Variants in TMEM132B observed in about 807,000 individuals in gnomAD.
The protein encoded by TMEM132B is transmembrane protein 132B.
In TMEM132B, 18 loss-of-function variants were observed where a neutral mutation model predicts 90.8. The ratio of observed to expected loss-of-function variants is 0.20; its 90% confidence interval spans 0.14 to 0.29. The LOEUF is 0.29. Ranked by LOEUF, TMEM132B falls within the 10% of genes least tolerant of loss-of-function variation. The probability of loss-of-function intolerance (pLI) is 1.00; values close to 1 mark genes in which losing one functional copy is unlikely to be tolerated. For synonymous variants in TMEM132B, 504 were observed against 523.3 expected, an observed-to-expected ratio of 0.96 and a Z score of 0.50; for missense variants, 1,096 against 1,326.8, an observed-to-expected ratio of 0.83 and a Z score of 2.70.
chr12:125,343,413 T>G (rs879877753), intron 1 of TMEM132B, among the ~76,000 whole-genome samples: 2 of 152,136 alleles, frequency 1.3e-5, no homozygotes, highest in Non-Finnish European at 2.9e-5. Context: ...CCTCATTGGG[T>G]GTACAGGGAT....
intron 1 of TMEM132B, among the ~76,000 whole-genome samples, chr12:125,311,540 C>T (rs1035896659): frequency 1.3e-5 from 2 of 152,112 alleles, no homozygotes; most frequent in African/African-American, 4.8e-5. Flanking sequence ...GGGTTCTGGC[C>T]CATCTTCTCT....
intron 1 of TMEM132B, among the ~76,000 whole-genome samples, chr12:125,226,572 A>G (rs1565978879): frequency 6.6e-6 from 1 of 152,214 alleles, no homozygotes; most frequent in Non-Finnish European, 1.5e-5. Flanking sequence ...AGACAGGGGA[A>G]TCGGGAGAGT....
chr12:125,351,266 G>T (rs974720488), intron 2 of TMEM132B, among the ~76,000 whole-genome samples: 10 of 152,190 alleles, frequency 6.6e-5, no homozygotes, highest in African/African-American at 1.9e-4. Flanking sequence ...TAAAACTTTA[G>T]TTACAAAAAC....
At chr12:125,242,611 A>G (rs1874097250) in intron 1 of TMEM132B, among the ~76,000 whole-genome samples, 2 of 152,126 alleles carry the variant, frequency 1.3e-5, no homozygotes, top group African/African-American at 4.8e-5. Context: ...TTCCCTCTCC[A>G]CATTCAGCTG....
chr12:125,300,984 A>G (rs1875808018), intron 1 of TMEM132B: 1 of 152,094 alleles, frequency 6.6e-6, no homozygotes, highest in South Asian at 2.1e-4. Context: ...GGAGAATGTT[A>G]TGAGGTTGCC....
chr12:125,451,579 C>T (rs915027526), intron 3 of TMEM132B, among the ~76,000 whole-genome samples: 3 of 150,472 alleles, frequency 2.0e-5, no homozygotes, highest in Middle Eastern at 3.5e-3. Context: ...AAGATTATGC[C>T]TGAGAGCTCC....
chr12:125,409,690 G>C lies in TMEM132B; in HGVS notation c.960-5841G>C, dbSNP rs570026965. Among the ~76,000 whole-genome samples, 84 of 60,552 alleles carry C rather than the reference G, an allele frequency of 1.4e-3. 2 individuals carry two copies. The highest frequency in any genetic ancestry group is 2.3e-3 in the Non-Finnish European group (70 of 29,848). 39.7% of individuals were successfully genotyped at this position (60,552 alleles called of 152,430 possible). A position where few individuals can be genotyped will look rare whatever the true frequency, so the allele number is the denominator to read the frequency against. On this transcript the variant is annotated intron_variant, in intron 2 of 8. Transcript: ENST00000682704. ...GAGTGGAGTGGAGTGGAGTGGAGTG[G>C]AGGAGTGGAGTGGAGTGGAGTGAGT... is the stretch of plus-strand genomic sequence containing the variant.
chr12:125,453,861 C>T (rs1020931171), intron 3 of TMEM132B, among the ~76,000 whole-genome samples: 7 of 152,100 alleles, frequency 4.6e-5, no homozygotes, highest in African/African-American at 7.2e-5. Context: ...TGGTGTGTAC[C>T]GACTCTGCTT....
intron 1 of TMEM132B, among the ~76,000 whole-genome samples, chr12:125,205,260 T>C (rs932613027): frequency 6.6e-6 from 1 of 152,014 alleles, no homozygotes; most frequent in South Asian, 2.1e-4. Flanking sequence ...CTTAGCCCTT[T>C]GTGTGGAATA....
intron 1 of TMEM132B, among the ~76,000 whole-genome samples, chr12:125,261,799 A>G (rs972705687): frequency 6.6e-6 from 1 of 152,158 alleles, no homozygotes; most frequent in Middle Eastern, 3.2e-3. Context: ...TCCATAATCA[A>G]TGGCCCTTAT....
chr12:125,380,183 A>G (rs1207424777), intron 2 of TMEM132B, among the ~76,000 whole-genome samples: 1 of 152,084 alleles, frequency 6.6e-6, no homozygotes, highest in Non-Finnish European at 1.5e-5. Context: ...TGAGGTTCTG[A>G]GGGAGAATAT....
chr12:125,275,508 G>A (rs1184494375), intron 1 of TMEM132B, among the ~76,000 whole-genome samples: 1 of 152,168 alleles, frequency 6.6e-6, no homozygotes, highest in Non-Finnish European at 1.5e-5. Flanking sequence ...GATCTGATGT[G>A]GCTTTGATGG....
intron 4 of TMEM132B, among the ~76,000 whole-genome samples, chr12:125,578,923 C>A (rs1311221368): frequency 6.6e-6 from 1 of 152,106 alleles, no homozygotes; most frequent in Non-Finnish European, 1.5e-5. Flanking sequence ...AGGTGCGGAT[C>A]TCTCTGAGTT....
chr12:125,643,548 C>T (rs1475091777), intron 5 of TMEM132B, among the ~76,000 whole-genome samples: 1 of 152,118 alleles, frequency 6.6e-6, no homozygotes, highest in Non-Finnish European at 1.5e-5. Context: ...CTGAATGGGG[C>T]AAAAATAATT....
At chr12:125,286,200 A>G (rs1875351522) in intron 1 of TMEM132B, among the ~76,000 whole-genome samples, 1 of 152,266 alleles carries the variant, frequency 6.6e-6, no homozygotes, top group Non-Finnish European at 1.5e-5. Flanking sequence ...TCACTTGCCC[A>G]AGATCACACA....
At chr12:125,433,119 C>A (rs1445649680) in intron 3 of TMEM132B, among the ~76,000 whole-genome samples, 1 of 152,216 alleles carries the variant, frequency 6.6e-6, no homozygotes, top group Non-Finnish European at 1.5e-5. Context: ...CTGCCAGTAA[C>A]TTCTGAGTCA....
rs1879248172 is a variant in TMEM132B at position 125,399,409 on chromosome 12, A to G, written c.960-16122A>G. Among the ~76,000 whole-genome samples, 3 of 151,676 alleles carry G rather than the reference A, an allele frequency of 2.0e-5. No homozygotes were observed. In the South Asian group the frequency reaches 6.2e-4, roughly 32 times the overall value. The stretch of plus-strand genomic sequence containing the variant: ...AGGTTTAGATACTTGGGGCCAAGGC[A>G]GAGTTTTGGACTTGCTTATCTTGTT... On this transcript the variant is annotated intron_variant, in intron 2 of 8. Transcript: ENST00000682704.
At chr12:125,645,098 G>C (rs990102644) in intron 6 of TMEM132B, among the ~76,000 whole-genome samples, 1 of 151,572 alleles carries the variant, frequency 6.6e-6, no homozygotes, top group South Asian at 2.1e-4. Context: ...GGCGCCTATA[G>C]TCCCAGCTAC....
chr12:125,288,550 G>T (rs1398793145), intron 1 of TMEM132B, among the ~76,000 whole-genome samples: 1 of 150,758 alleles, frequency 6.6e-6, no homozygotes, highest in African/African-American at 2.4e-5. Flanking sequence ...ATCTCATATT[G>T]CTGGTTACTT....
Sources: gnomAD v4.1 joint callset for allele counts (sites outside exome capture counted in the v4.1 genomes callset) on GRCh38, gnomAD v4.1.1 for gene constraint, MANE v1.5 for transcripts, NCBI Gene and HGNC (gene_info 2026-07-23, HGNC 2026-07-21) for gene names.